PPP2R5E: variants seen among roughly 807,000 people sequenced by gnomAD.
PPP2R5E encodes serine/threonine-protein phosphatase 2A 56 kDa regulatory subunit epsilon isoform.
In PPP2R5E, 4 loss-of-function variants were observed where a neutral mutation model predicts 65.3. The observed-to-expected ratio is 0.06, with a 90% CI of 0.03 to 0.14. PPP2R5E has a LOEUF of 0.14. PPP2R5E is among the 10% of genes least tolerant of loss of function. The pLI is 1.00. For missense variants in PPP2R5E, 274 were observed against 556.1 expected (o/e 0.49, Z 5.10); for synonymous variants, 183 against 187.4 (o/e 0.98, Z 0.19).
chr14:63,487,488 G>T (rs1184528227), intron 2 of PPP2R5E, among the ~76,000 whole-genome samples: 1 of 152,196 alleles, frequency 6.6e-6, no homozygotes, highest in African/African-American at 2.4e-5. Context: ...AAAAAGAAGG[G>T]AAGTGAAAAG....
chr14:63,393,767 G>A, intron 8 of PPP2R5E, 53 bp downstream of exon 8: 1 of 1,292,744 alleles, frequency 7.7e-7, no homozygotes, highest in Non-Finnish European at 1.1e-6. Context: ...AAAAAAACGA[G>A]TTTGCAAACT....
chr14:63,500,686 A>T (rs1002479639), intron 2 of PPP2R5E, among the ~76,000 whole-genome samples: 1 of 152,060 alleles, frequency 6.6e-6, no homozygotes, highest in African/African-American at 2.4e-5. Context: ...GCAATATAGC[A>T]AGACTGCCGT....
At chr14:63,506,519 A>C (rs1274582811) in intron 2 of PPP2R5E, among the ~76,000 whole-genome samples, 1 of 152,220 alleles carries the variant, frequency 6.6e-6, no homozygotes, top group East Asian at 1.9e-4. Flanking sequence ...ATTTGAATAG[A>C]CATTTCTCCA....
chr14:63,372,018 A>G lies in PPP2R5E; in HGVS notation c.*3991T>C, dbSNP rs560756743. 12 of 152,124 alleles carry G rather than the reference A, an allele frequency of 7.9e-5. No homozygotes were observed. Among genetic ancestry groups the G allele is most frequent in the African/African-American group, 2.9e-4 (12 of 41,518 alleles). 9.4% of individuals were successfully genotyped at this position (152,124 alleles called of 1,614,324 possible). On this transcript the variant is annotated 3_prime_UTR_variant, in exon 14 of 14. Coordinates refer to ENST00000337537, the MANE Select transcript of PPP2R5E (RefSeq NM_006246.5). ...AGGTTTGGATTACAACTTATTTACA[A>G]TAAGTGATTTCAAAAAAAGTAAAGA...
At chr14:63,506,915 T>C (rs1301252167) in intron 2 of PPP2R5E, among the ~76,000 whole-genome samples, 3 of 152,152 alleles carry the variant, frequency 2.0e-5, no homozygotes, top group African/African-American at 4.8e-5. Flanking sequence ...AACTGATAAA[T>C]GGATTTTTAA....
chr14:63,374,065 T>A lies in PPP2R5E; in HGVS notation c.*1944A>T, dbSNP rs1883841174. 1 of 150,608 alleles carries A rather than the reference T, an allele frequency of 6.6e-6. No homozygotes were observed. Among genetic ancestry groups the A allele is most frequent in the Non-Finnish European group, 1.5e-5 (1 of 67,692 alleles). The allele number at this position is 150,608 out of a possible 1,614,324, so 9.3% of individuals were successfully genotyped here. A position where few individuals can be genotyped will look rare whatever the true frequency, so the allele number is the denominator to read the frequency against. ...ACCATGTTGCGTCTGGTGTTGCATA[T>A]GACTTTTTTTTTTTACTGCTTTTTT... On this transcript the variant is annotated 3_prime_UTR_variant, in exon 14 of 14. Coordinates refer to ENST00000337537, the MANE Select transcript of PPP2R5E (RefSeq NM_006246.5).
At chr14:63,481,428 G>A (rs934575052) in intron 2 of PPP2R5E, among the ~76,000 whole-genome samples, 12 of 150,852 alleles carry the variant, frequency 8.0e-5, no homozygotes, top group Admixed American at 1.3e-4. Context: ...TCCAGGGGGC[G>A]GAGGTTGCAG....
chr14:63,420,420 A>G (rs959127525), intron 4 of PPP2R5E, among the ~76,000 whole-genome samples: 5 of 152,160 alleles, frequency 3.3e-5, no homozygotes, highest in Non-Finnish European at 7.4e-5. Context: ...CAAGTTTCTT[A>G]GATTGCAGAC....
Position 63,453,754 on chromosome 14 carries a change from C to T in PPP2R5E, c.289G>A (p.Val97Met), listed in dbSNP as rs751728433. 3.7e-6 allele frequency: 6 copies of T among 1,613,600 alleles called. No homozygotes were observed. The highest frequency in any genetic ancestry group is 1.7e-5 in the Admixed American group (1 of 59,850). Residue 97 changes from valine to methionine, a missense_variant, in exon 3 of 14, where the codon GTG (valine) becomes ATG (methionine). Physicochemically the swap from Val to Met is conservative, Grantham distance 21 (BLOSUM62 1). Transcript: ENST00000337537. ...EYKRSTLNEL[V>M]DYITISRGCL... ...CCTCTGCTTATTGTAATGTAGTCCA[C>T]CAGTTCATTAAGAGTGGAGCGCTTG...
chr14:63,389,531 T>C, intron 11 of PPP2R5E, 81 bp downstream of exon 11: 2 of 1,435,058 alleles, frequency 1.4e-6, no homozygotes, highest in Non-Finnish European at 1.9e-6. Context: ...GTAGCTAGGG[T>C]CCATTACATT....
intron 2 of PPP2R5E, among the ~76,000 whole-genome samples, chr14:63,465,195 T>C (rs1243431620): frequency 1.3e-5 from 2 of 151,978 alleles, no homozygotes; most frequent in African/African-American, 4.8e-5. Context: ...ATGGAATCAA[T>C]TTCCTATTTC....
At chr14:63,474,671 C>G in intron 2 of PPP2R5E, among the ~76,000 whole-genome samples, 1 of 36,984 alleles carries the variant, frequency 2.7e-5, no homozygotes, top group South Asian at 1.0e-3. Flanking sequence ...GATACCCCAT[C>G]TCAAAAAAAA....
intron 13 of PPP2R5E, among the ~76,000 whole-genome samples, chr14:63,378,828 T>C (rs959806486): frequency 2.0e-5 from 3 of 152,208 alleles, no homozygotes; most frequent in African/African-American, 7.2e-5. Flanking sequence ...TACTTCAAAA[T>C]TTGATCTGAA....
intron 2 of PPP2R5E, among the ~76,000 whole-genome samples, chr14:63,471,595 C>A (rs919919556): frequency 2.1e-4 from 32 of 152,174 alleles, no homozygotes; most frequent in Non-Finnish European, 7.4e-5. Context: ...GTATTAACTC[C>A]TTTAATCCTT....
intron 13 of PPP2R5E, among the ~76,000 whole-genome samples, chr14:63,376,413 A>ACT (rs1883986766): frequency 6.6e-6 from 1 of 152,088 alleles, no homozygotes; most frequent in Non-Finnish European, 1.5e-5. Context: ...GGTCAAGAAA[A>ACT]TATATCTGCT....
In PPP2R5E at chr14:63,543,130, C is replaced by T; in HGVS notation, c.-359G>A. On this transcript the variant is annotated 5_prime_UTR_variant, in exon 1 of 14. Coordinates refer to ENST00000337537, the MANE Select transcript of PPP2R5E (RefSeq NM_006246.5). The stretch of plus-strand genomic sequence containing the variant: ...CGGGCGGCGCCTCAGCTCGTTGCCC[C>T]GGACCCGGCGGCGGCGGCGACGACG... 6.5e-6 allele frequency: 1 copy of T among 154,178 alleles called. No individual in the cohort carries two copies. The highest frequency in any genetic ancestry group is 1.4e-5 in the Non-Finnish European group (1 of 69,676). The allele number at this position is 154,178 out of a possible 1,614,324, so 9.6% of individuals were successfully genotyped here.
At position 63,374,482 on chromosome 14, in the gene PPP2R5E, G is replaced by C. The variant is rs555009820; in HGVS notation, c.*1527C>G. Reference sequence around the variant, plus strand: ...GCTGCCATGACCAAAACAAGCAAATGCATCCTGGAAATAAACCTCCAAACA... The same window carrying C: ...GCTGCCATGACCAAAACAAGCAAATCCATCCTGGAAATAAACCTCCAAACA... On this transcript the variant is annotated 3_prime_UTR_variant, in exon 14 of 14. Coordinates refer to ENST00000337537, the MANE Select transcript of PPP2R5E (RefSeq NM_006246.5). 1.1e-4 allele frequency: 17 copies of C among 151,676 alleles called. No individual in the cohort carries two copies. The highest frequency in any genetic ancestry group is 4.1e-4 in the African/African-American group (17 of 41,382). The allele number at this position is 151,676 out of a possible 1,614,324, so 9.4% of individuals were successfully genotyped here. A position where few individuals can be genotyped will look rare whatever the true frequency, so the allele number is the denominator to read the frequency against.
At chr14:63,510,603 C>A (rs8003274) in intron 2 of PPP2R5E, among the ~76,000 whole-genome samples, 20,504 of 152,196 alleles carry the variant, frequency 0.13, 1,509 homozygotes, top group African/African-American at 0.17. Context: ...CGCTGAGTAT[C>A]CGGTAGAGAA....
At chr14:63,496,442 T>A (rs1211150684) in intron 2 of PPP2R5E, among the ~76,000 whole-genome samples, 10 of 90,120 alleles carry the variant, frequency 1.1e-4, no homozygotes, top group Non-Finnish European at 1.5e-4. Flanking sequence ...AGACTCTGTC[T>A]CAAAAAAAAA....
Sources: allele counts gnomAD v4.1 joint callset (sites outside exome capture counted in the v4.1 genomes callset), GRCh38; gene constraint gnomAD v4.1.1; transcripts MANE v1.5; gene names NCBI Gene and HGNC (gene_info 2026-07-23, HGNC 2026-07-21).